The following RUNDC3B variants were observed in gnomAD, a reference collection of about 807,000 sequenced individuals.
The protein encoded by RUNDC3B is RUN domain-containing protein 3B.
Under a neutral mutation model 58.4 loss-of-function variants are expected in RUNDC3B, and 33 were observed. That is an observed-to-expected ratio of 0.56 (90% CI 0.43 to 0.75). The LOEUF is 0.75. Ranked by LOEUF, RUNDC3B falls within the 30% of genes least tolerant of loss-of-function variation. The pLI, the probability that RUNDC3B is intolerant of heterozygous loss-of-function variation, is 0.00. For missense variants in RUNDC3B, 501 were observed against 535.7 expected (o/e 0.94, Z 0.64); for synonymous variants, 193 against 195.2 (o/e 0.99, Z 0.10).
At chr7:87,659,458 T>A (rs1824469610) in intron 2 of RUNDC3B, among the ~76,000 whole-genome samples, 1 of 152,178 alleles carries the variant, frequency 6.6e-6, no homozygotes, top group Non-Finnish European at 1.5e-5. Context: ...AGTTTAAAAA[T>A]CTTACCTTTC....
intron 1 of RUNDC3B, among the ~76,000 whole-genome samples, chr7:87,639,409 T>C (rs1272035710): frequency 2.0e-5 from 3 of 152,196 alleles, no homozygotes; most frequent in South Asian, 4.1e-4. Flanking sequence ...CAGTTAAGTC[T>C]AGTGTTTTAA....
chr7:87,642,608 T>C (rs562710927), intron 1 of RUNDC3B, among the ~76,000 whole-genome samples: 1 of 152,090 alleles, frequency 6.6e-6, no homozygotes, highest in East Asian at 1.9e-4. Flanking sequence ...TGGAAAGTTT[T>C]GCCTTATTTA....
intron 8 of RUNDC3B, among the ~76,000 whole-genome samples, chr7:87,804,602 A>G (rs1836344106): frequency 6.6e-6 from 1 of 152,188 alleles, no homozygotes. Context: ...TACTTTCATA[A>G]TAAATTAAAC....
intron 10 of RUNDC3B, among the ~76,000 whole-genome samples, chr7:87,820,907 T>C (rs2130960892): frequency 6.6e-6 from 1 of 152,068 alleles, no homozygotes. Context: ...TAAAGAGCTA[T>C]CTATGACAAA....
At chr7:87,752,607 A>G (rs1833083992) in intron 6 of RUNDC3B, among the ~76,000 whole-genome samples, 1 of 151,904 alleles carries the variant, frequency 6.6e-6, no homozygotes, top group Admixed American at 6.6e-5. Flanking sequence ...GTCTTGGGAG[A>G]GTGTATGTGT....
At chr7:87,640,851 T>C (rs1032240151) in intron 1 of RUNDC3B, among the ~76,000 whole-genome samples, 1 of 152,272 alleles carries the variant, frequency 6.6e-6, no homozygotes, top group Admixed American at 6.5e-5. Context: ...TAATTTCAGG[T>C]AGTTCCAGAA....
At chr7:87,648,184 C>CAAA (rs138383809) in intron 1 of RUNDC3B, among the ~76,000 whole-genome samples, 4 of 65,458 alleles carry the variant, frequency 6.1e-5, no homozygotes, top group East Asian at 3.2e-4. Flanking sequence ...GACTCTGTCT[C>CAAA]AAAAAAAAAA....
chr7:87,761,536 A>G (rs1162185710), intron 6 of RUNDC3B, among the ~76,000 whole-genome samples: 1 of 151,950 alleles, frequency 6.6e-6, no homozygotes, highest in Non-Finnish European at 1.5e-5. Context: ...ATGAATGTTC[A>G]TTATTCTTAA....
At chr7:87,710,334 C>T (rs541818016) in intron 3 of RUNDC3B, among the ~76,000 whole-genome samples, 16 of 151,972 alleles carry the variant, frequency 1.1e-4, no homozygotes, top group Non-Finnish European at 2.4e-4. Flanking sequence ...CGTTCTGTCC[C>T]TTCAGAGGAT....
At position 87,830,571 on chromosome 7, in the gene RUNDC3B, CTTTAATA is replaced by C. The variant is rs1838079629; in HGVS notation, c.*546_*552del. The C allele has an allele frequency of 6.6e-6, 1 of 150,804 alleles. No homozygotes were observed. Among genetic ancestry groups the C allele is most frequent in the South Asian group, 2.1e-4 (1 of 4,810 alleles). The allele number at this position is 150,804 out of a possible 1,614,324, so 9.3% of individuals were successfully genotyped here. A position where few individuals can be genotyped will look rare whatever the true frequency, so the allele number is the denominator to read the frequency against. On this transcript the variant is annotated 3_prime_UTR_variant, in exon 11 of 11. Coordinates refer to ENST00000394654, the MANE Select transcript of RUNDC3B (RefSeq NM_001134405.2). ...TTTCACAGTGGCTTATTCAGTTTTTCTTTAATATTTACCATTTGGTATCAATTCAGCA... is the reference window on the plus strand; with the variant it reads ...TTTCACAGTGGCTTATTCAGTTTTTCTTTACCATTTGGTATCAATTCAGCA...
chr7:87,660,878 T>C (rs1026465921), intron 2 of RUNDC3B, among the ~76,000 whole-genome samples: 5 of 151,998 alleles, frequency 3.3e-5, no homozygotes, highest in Non-Finnish European at 5.9e-5. Context: ...TACCTTTTCA[T>C]ATTTACTTCT....
At chr7:87,779,162 G>A (rs1196579386) in intron 8 of RUNDC3B, among the ~76,000 whole-genome samples, 2 of 152,136 alleles carry the variant, frequency 1.3e-5, no homozygotes, top group Non-Finnish European at 1.5e-5. Flanking sequence ...TATTTAAATT[G>A]ATACGATACT....
chr7:87,750,147 C>G (rs1370562728), intron 6 of RUNDC3B, among the ~76,000 whole-genome samples: 2 of 151,710 alleles, frequency 1.3e-5, no homozygotes, highest in Non-Finnish European at 2.9e-5. Context: ...TTTGTTCTTG[C>G]GATAGTTTAC....
At chr7:87,818,723 A>G (rs1009233156) in intron 10 of RUNDC3B, among the ~76,000 whole-genome samples, 1 of 152,158 alleles carries the variant, frequency 6.6e-6, no homozygotes, top group African/African-American at 2.4e-5. Context: ...TGGAGGAAAA[A>G]TTAAACTGTG....
At chr7:87,829,113 G>A (rs555012896) in intron 10 of RUNDC3B, among the ~76,000 whole-genome samples, 1 of 152,052 alleles carries the variant, frequency 6.6e-6, no homozygotes, top group Non-Finnish European at 1.5e-5. Flanking sequence ...CCACTTCTGT[G>A]TCTTCTTTTG....
At chr7:87,827,176 T>C (rs1837860269) in intron 10 of RUNDC3B, among the ~76,000 whole-genome samples, 1 of 152,048 alleles carries the variant, frequency 6.6e-6, no homozygotes, top group Admixed American at 6.6e-5. Flanking sequence ...TAGACAAATA[T>C]GTAACAGGCA....
intron 8 of RUNDC3B, among the ~76,000 whole-genome samples, chr7:87,794,538 A>G (rs1350587582): frequency 6.6e-6 from 1 of 152,156 alleles, no homozygotes; most frequent in Non-Finnish European, 1.5e-5. Context: ...AGGATAATCA[A>G]TATTATTAAA....
intron 8 of RUNDC3B, among the ~76,000 whole-genome samples, chr7:87,801,105 A>G (rs553634787): frequency 5.0e-4 from 76 of 152,310 alleles, no homozygotes; most frequent in Non-Finnish European, 9.9e-4. Flanking sequence ...TTTGCTTCTG[A>G]GAAAGTTGTG....
At chr7:87,638,611 A>ATT (rs879545318) in intron 1 of RUNDC3B, among the ~76,000 whole-genome samples, 2 of 139,904 alleles carry the variant, frequency 1.4e-5, no homozygotes, top group Non-Finnish European at 1.6e-5. Flanking sequence ...TATATTGTCA[A>ATT]TTTTTTTTTT....
Sources: allele counts gnomAD v4.1 joint callset (sites outside exome capture counted in the v4.1 genomes callset), GRCh38; gene constraint gnomAD v4.1.1; transcripts MANE v1.5; gene names NCBI Gene and HGNC (gene_info 2026-07-23, HGNC 2026-07-21).